Variants in IQGAP1 observed in about 807,000 individuals in gnomAD.
IQGAP1 encodes the protein IQ motif containing GTPase activating protein 1, also known as ras GTPase-activating-like protein IQGAP1.
IQGAP1 carries 66 observed loss-of-function variants against 215.6 expected under a neutral mutation model. That is an observed-to-expected ratio of 0.31 (90% CI 0.25 to 0.38). IQGAP1 has a LOEUF of 0.38. Among genes scored for constraint, IQGAP1 ranks in the 10% least tolerant of loss-of-function variants. The pLI, the probability that IQGAP1 is intolerant of heterozygous loss-of-function variation, is 1.00. For synonymous variants in IQGAP1, 772 were observed against 728.7 expected (o/e 1.06, Z -0.96); for missense variants, 1,712 against 1,997.1 (o/e 0.86, Z 2.72).
At chr15:90,406,517 G>T (rs1240754766) in intron 2 of IQGAP1, among the ~76,000 whole-genome samples, 1 of 152,196 alleles carries the variant, frequency 6.6e-6, no homozygotes, top group African/African-American at 2.4e-5. Flanking sequence ...GATGACGGTT[G>T]TACAACATTG....
intron 1 of IQGAP1, among the ~76,000 whole-genome samples, chr15:90,388,822 G>C (rs1964591675): frequency 6.6e-6 from 1 of 152,228 alleles, no homozygotes; most frequent in South Asian, 2.1e-4. Context: ...AGACCCAAGG[G>C]ATAGACCAGG....
chr15:90,394,284 A>G (rs1029846093), intron 2 of IQGAP1, among the ~76,000 whole-genome samples: 15 of 149,152 alleles, frequency 1.0e-4, no homozygotes, highest in African/African-American at 3.0e-4. Flanking sequence ...TGCCTGGTCT[A>G]TTTTATGGAG....
At chr15:90,479,555 T>C (rs967734129) in intron 26 of IQGAP1, among the ~76,000 whole-genome samples, 15 of 142,224 alleles carry the variant, frequency 1.1e-4, no homozygotes, top group Non-Finnish European at 1.1e-4. Context: ...CTGGGTAACA[T>C]AGGGATACCT....
intron 14 of IQGAP1, 47 bp from the exon 15 acceptor site, chr15:90,456,105 T>C (rs1431092468): frequency 2.0e-6 from 3 of 1,519,584 alleles, no homozygotes; most frequent in African/African-American, 2.8e-5. Flanking sequence ...TTTGTTTATG[T>C]ACTTCCTTAA....
At chr15:90,454,922 C>T (rs1965658651) in intron 14 of IQGAP1, among the ~76,000 whole-genome samples, 1 of 152,234 alleles carries the variant, frequency 6.6e-6, no homozygotes, top group East Asian at 1.9e-4. Flanking sequence ...GTTCCCAGGC[C>T]ACTGTACTTC....
intron 37 of IQGAP1, 23 bp downstream of exon 37, chr15:90,497,363 C>CA: frequency 8.4e-7 from 1 of 1,184,728 alleles, no homozygotes; most frequent in Non-Finnish European, 1.3e-6. Flanking sequence ...CAGCAGGAAC[C>CA]AAAAACTTTC....
intron 2 of IQGAP1, among the ~76,000 whole-genome samples, chr15:90,396,519 G>A (rs143076742): frequency 3.0e-4 from 46 of 152,228 alleles, no homozygotes; most frequent in African/African-American, 1.0e-3. Context: ...ATGTAGCTGC[G>A]TAATGGCACG....
chr15:90,392,698 C>G lies in IQGAP1; in HGVS notation c.155+1825C>G, dbSNP rs987767025. On this transcript the variant is annotated intron_variant, in intron 2 of 37. Coordinates refer to ENST00000268182, the MANE Select transcript of IQGAP1 (RefSeq NM_003870.4). ...TCTCATTTAATGAAGAAACTGAAGC[C>G]TGAGTTTTTTGGTCTACTTGTAGTT... 1.9e-4 allele frequency among the ~76,000 whole-genome samples: 28 copies of G among 150,134 alleles called. 1 individual carries two copies.
intron 31 of IQGAP1, chr15:90,486,722 A>G (rs1203221425): frequency 1.2e-5 from 6 of 504,986 alleles, no homozygotes; most frequent in African/African-American, 7.9e-5. Flanking sequence ...GAGAATTGTG[A>G]TATTGTAGTG....
chr15:90,492,968 C>T (rs187044815), intron 35 of IQGAP1, among the ~76,000 whole-genome samples: 18 of 152,200 alleles, frequency 1.2e-4, no homozygotes, highest in Non-Finnish European at 2.2e-4. Flanking sequence ...TGGGGCCTGT[C>T]AAGGTGGCTC....
intron 18 of IQGAP1, among the ~76,000 whole-genome samples, chr15:90,471,770 G>C (rs1201701202): frequency 6.6e-6 from 1 of 151,564 alleles, no homozygotes; most frequent in Admixed American, 6.6e-5. Context: ...AAAGTGCTGG[G>C]ATTACAGGCG....
In IQGAP1 at chr15:90,388,256, C is replaced by T. The variant is rs1026681247; in HGVS notation, c.-86C>T. 51 of 1,478,690 alleles carry T rather than the reference C, an allele frequency of 3.4e-5. No individual in the cohort carries two copies. Among genetic ancestry groups the T allele is most frequent in the Non-Finnish European group, 4.5e-5 (49 of 1,085,062 alleles). The allele number at this position is 1,478,690 out of a possible 1,614,324, so 91.6% of individuals were successfully genotyped here. The stretch of plus-strand genomic sequence containing the variant: ...GGGGCCTCGGGGACCCCGGCAAGCC[C>T]GCGCACTTGGCAGGAGCTGTAGCTA... On this transcript the variant is annotated 5_prime_UTR_variant, in exon 1 of 38. Coordinates refer to ENST00000268182, the MANE Select transcript of IQGAP1 (RefSeq NM_003870.4).
At chr15:90,470,435 C>T (rs906665295) in intron 18 of IQGAP1, among the ~76,000 whole-genome samples, 14 of 152,124 alleles carry the variant, frequency 9.2e-5, no homozygotes, top group African/African-American at 2.9e-4. Flanking sequence ...GATTCTAGTG[C>T]GAGGTCTGAG....
intron 1 of IQGAP1, 93 bp from the exon 2 acceptor site, chr15:90,390,680 TA>T: frequency 1.2e-6 from 1 of 815,986 alleles, no homozygotes; most frequent in Non-Finnish European, 2.1e-6. Context: ...CCTGACTTTC[TA>T]GGTGAGTGGC....
chr15:90,395,823 C>A (rs555773167), intron 2 of IQGAP1, among the ~76,000 whole-genome samples: 1 of 152,240 alleles, frequency 6.6e-6, no homozygotes, highest in African/African-American at 2.4e-5. Context: ...GAAGAAAGTA[C>A]GATTAGTACT....
chr15:90,408,121 G>C (rs1439015326), intron 2 of IQGAP1, among the ~76,000 whole-genome samples: 1 of 152,144 alleles, frequency 6.6e-6, no homozygotes, highest in Non-Finnish European at 1.5e-5. Context: ...CTTGTTCTCT[G>C]TGCTCCTTTA....
chr15:90,438,206 CTTACT>C (rs1965396963), intron 5 of IQGAP1, among the ~76,000 whole-genome samples: 2 of 152,180 alleles, frequency 1.3e-5, no homozygotes, highest in South Asian at 4.1e-4. Flanking sequence ...TATTTCCCTG[CTTACT>C]TTAAACTGTC....
chr15:90,467,670 G>A, intron 18 of IQGAP1, 78 bp downstream of exon 18: 4 of 1,432,912 alleles, frequency 2.8e-6, no homozygotes, highest in Non-Finnish European at 3.8e-6. Context: ...GAGGAACAGG[G>A]CATGTGGTCA....
intron 15 of IQGAP1, among the ~76,000 whole-genome samples, chr15:90,465,596 T>A (rs1332766396): frequency 1.3e-5 from 2 of 152,142 alleles, no homozygotes; most frequent in African/African-American, 4.8e-5. Context: ...CCTAACCTCC[T>A]GGGCTCAAGC....
Sources: allele counts gnomAD v4.1 joint callset (sites outside exome capture counted in the v4.1 genomes callset), GRCh38; gene constraint gnomAD v4.1.1; transcripts MANE v1.5; gene names NCBI Gene and HGNC (gene_info 2026-07-23, HGNC 2026-07-21).